The following ERG variants were observed in gnomAD, a reference collection of about 807,000 sequenced individuals.
ERG encodes transcriptional regulator ERG.
A neutral mutation model predicts 55.3 loss-of-function variants in ERG; 9 were observed. The ratio of observed to expected loss-of-function variants is 0.16; its 90% confidence interval spans 0.10 to 0.28. The LOEUF (loss-of-function observed/expected upper bound fraction) is 0.28. Among genes scored for constraint, ERG ranks in the 10% least tolerant of loss-of-function variants. The probability of loss-of-function intolerance (pLI) is 1.00; values close to 1 mark genes in which losing one functional copy is unlikely to be tolerated. For missense variants in ERG, 434 were observed against 631.6 expected (o/e 0.69, Z 3.35); for synonymous variants, 223 against 237.3 (o/e 0.94, Z 0.55).
intron 1 of ERG, among the ~76,000 whole-genome samples, chr21:38,457,957 C>T (rs935707241): frequency 2.0e-5 from 3 of 152,150 alleles, no homozygotes; most frequent in South Asian, 2.1e-4. Context: ...TTGCACTTGT[C>T]GCTATTTATT....
rs144554790 is a variant in ERG, at chr21:38,575,939, G to A, written c.-126-192C>T. On this transcript the variant is annotated intron_variant, in intron 1 of 8. Transcript: ENST00000398897. ...TAGATAACTCACTTCCCTTCCATTGGGAAAATCACTTACAATGAGCCCAAG... is the reference window on the plus strand; with the variant it reads ...TAGATAACTCACTTCCCTTCCATTGAGAAAATCACTTACAATGAGCCCAAG... Among the ~76,000 whole-genome samples, 365 of 152,300 alleles carry A rather than the reference G, an allele frequency of 2.4e-3. 4 individuals are homozygous for A. The highest frequency in any genetic ancestry group is 8.4e-3 in the African/African-American group (349 of 41,568).
intron 1 of ERG, among the ~76,000 whole-genome samples, chr21:38,468,620 C>A (rs1276290012): frequency 6.6e-6 from 1 of 152,068 alleles, no homozygotes; most frequent in East Asian, 1.9e-4. Flanking sequence ...GCCAGGGGAG[C>A]CTTCACCATA....
intron 9 of ERG, among the ~76,000 whole-genome samples, chr21:38,388,248 T>C (rs902577401): frequency 3.3e-5 from 5 of 152,198 alleles, no homozygotes; most frequent in African/African-American, 1.2e-4. Flanking sequence ...GCTGCTCTGA[T>C]GGGATGTAAA....
In ERG at chr21:38,519,242, T is replaced by C. The variant is rs572248123; in HGVS notation, c.-41+56420A>G. Among the ~76,000 whole-genome samples, 303 of 152,176 alleles carry C rather than the reference T, an allele frequency of 2.0e-3. 3 individuals carry two copies. The highest frequency in any genetic ancestry group is 6.9e-3 in the African/African-American group (287 of 41,514). On this transcript the variant is annotated intron_variant, in intron 2 of 8. Coordinates refer to the ERG transcript ENST00000398897. ...GAGGCATATAGCATATTCAAATAGG[T>C]AAGTGAACAAAATTTAATGAAAGAA...
At chr21:38,600,693 T>C (rs2060159485) in intron 1 of ERG, among the ~76,000 whole-genome samples, 1 of 152,210 alleles carries the variant, frequency 6.6e-6, no homozygotes, top group African/African-American at 2.4e-5. Flanking sequence ...GTAATAAGCA[T>C]GGAATCACAG....
At chr21:38,430,009 T>C (rs530132014) in intron 2 of ERG, among the ~76,000 whole-genome samples, 5 of 152,232 alleles carry the variant, frequency 3.3e-5, no homozygotes, top group Non-Finnish European at 7.3e-5. Context: ...TTTTCCATAG[T>C]GGTTGTACTA....
chr21:38,575,641 C>T (rs538595330), intron 2 of ERG: 3 of 1,597,270 alleles, frequency 1.9e-6, no homozygotes, highest in East Asian at 4.5e-5. Flanking sequence ...GAGCTGGCTT[C>T]CCAGCCAAGA....
At chr21:38,456,696 C>T (rs1359457901) in intron 1 of ERG, among the ~76,000 whole-genome samples, 1 of 152,194 alleles carries the variant, frequency 6.6e-6, no homozygotes, top group African/African-American at 2.4e-5. Context: ...AGTTAGTCTT[C>T]ACCCACTGTG....
intron 2 of ERG, among the ~76,000 whole-genome samples, chr21:38,431,470 C>A (rs1028085895): frequency 2.6e-5 from 4 of 151,974 alleles, no homozygotes; most frequent in African/African-American, 9.7e-5. Context: ...TTTGGGGTGG[C>A]TTATAAAAAT....
At position 38,498,058 on chromosome 21, in the gene ERG, T is replaced by C. The variant is rs1466080551; in HGVS notation, c.18+305A>G. ...TCTCAGACACACATCCAGGCACCGT[T>C]AGGGATAGTTAGAGAATCTGAAAAT... On this transcript the variant is annotated intron_variant, in intron 1 of 9. Coordinates refer to ENST00000288319, the MANE Select transcript of ERG (RefSeq NM_182918.4). This position sits in a 1 kb window ranked among gnomAD's most constrained non-coding sequence, Gnocchi z 4.6. Among the ~76,000 whole-genome samples, 2 of 152,190 alleles carry C rather than the reference T, an allele frequency of 1.3e-5. No individual in the cohort carries two copies. The highest frequency in any genetic ancestry group is 4.8e-5 in the African/African-American group (2 of 41,438).
chr21:38,477,038 A>G (rs13052107), intron 1 of ERG, among the ~76,000 whole-genome samples: 21,044 of 113,304 alleles, frequency 0.19, 1,793 homozygotes, highest in Middle Eastern at 0.31. Context: ...TTTGAGACAG[A>G]GTCTCACTCT....
intron 6 of ERG, among the ~76,000 whole-genome samples, chr21:38,397,938 T>G (rs900899012): frequency 6.6e-6 from 1 of 152,128 alleles, no homozygotes; most frequent in African/African-American, 2.4e-5. Context: ...GTCAGCACAA[T>G]AACGCTGACC....
chr21:38,651,198 A>G (rs1338537106), intron 1 of ERG, among the ~76,000 whole-genome samples: 2 of 152,190 alleles, frequency 1.3e-5, no homozygotes, highest in African/African-American at 4.8e-5. Flanking sequence ...TTTCCCTCCA[A>G]TGTAAAAACT....
At chr21:38,416,252 T>C (rs1471418590) in intron 3 of ERG, among the ~76,000 whole-genome samples, 1 of 152,168 alleles carries the variant, frequency 6.6e-6, no homozygotes, top group Non-Finnish European at 1.5e-5. Flanking sequence ...TCACAAGAAA[T>C]AAGCTGTTGA....
chr21:38,523,449 G>A (rs766406201), intron 2 of ERG, among the ~76,000 whole-genome samples: 14 of 152,140 alleles, frequency 9.2e-5, no homozygotes, highest in South Asian at 4.2e-4. Context: ...ACATCTCCCC[G>A]AAAAATATTT....
At chr21:38,558,523 T>G (rs1160620699) in intron 2 of ERG, among the ~76,000 whole-genome samples, 1 of 152,230 alleles carries the variant, frequency 6.6e-6, no homozygotes, top group Non-Finnish European at 1.5e-5. Context: ...TGTGTGTGCC[T>G]CAAACAAGAA....
intron 2 of ERG, among the ~76,000 whole-genome samples, chr21:38,563,728 T>C (rs2059906473): frequency 6.6e-6 from 1 of 152,224 alleles, no homozygotes; most frequent in Admixed American, 6.5e-5. Context: ...TAATGCAGGA[T>C]GCAAAAATGA....
intron 3 of ERG, among the ~76,000 whole-genome samples, chr21:38,420,204 G>T (rs941868336): frequency 6.6e-6 from 1 of 152,166 alleles, no homozygotes; most frequent in Non-Finnish European, 1.5e-5. Context: ...ATACCATGGG[G>T]ATGGATACAG....
chr21:38,592,571 CTGTGTG>C (rs56195027), intron 1 of ERG, among the ~76,000 whole-genome samples: 7,820 of 147,938 alleles, frequency 0.053, 336 homozygotes, highest in African/African-American at 0.11. Flanking sequence ...TCTCCCTTCA[CTGTGTG>C]TGTGTGTGTG....
Sources: allele counts gnomAD v4.1 joint callset (sites outside exome capture counted in the v4.1 genomes callset), GRCh38; gene constraint gnomAD v4.1.1; non-coding constraint Gnocchi (gnomAD v3.1); transcripts MANE v1.5; gene names NCBI Gene and HGNC (gene_info 2026-07-23, HGNC 2026-07-21).